The following REV3L variants were observed in gnomAD, a reference collection of about 807,000 sequenced individuals.
REV3L encodes REV3 like, DNA directed polymerase zeta catalytic subunit.
REV3L carries 69 observed loss-of-function variants against 299.4 expected under a neutral mutation model. The observed-to-expected ratio is 0.23, with a 90% CI of 0.19 to 0.28. The LOEUF is 0.28. Ranked by LOEUF, REV3L falls within the 10% of genes least tolerant of loss-of-function variation. REV3L has a pLI of 1.00. For synonymous variants in REV3L, 1,238 were observed against 1,271.4 expected (o/e 0.97, Z 0.56); for missense variants, 3,128 against 3,693.8 (o/e 0.85, Z 3.97).
intron 24 of REV3L, chr6:111,330,363 A>G: frequency 2.3e-6 from 1 of 444,306 alleles, no homozygotes; most frequent in Non-Finnish European, 4.6e-6. Flanking sequence ...ATGCCAAAAA[A>G]AAAATCATTT....
At chr6:111,430,568 T>C in intron 1 of REV3L, 1 of 1,567,052 alleles carries the variant, frequency 6.4e-7, no homozygotes, top group Non-Finnish European at 8.7e-7. Context: ...ACTTCATGGC[T>C]GACTTGCAGA....
chr6:111,340,855 A>G (rs1776407005), intron 21 of REV3L, among the ~76,000 whole-genome samples: 1 of 151,842 alleles, frequency 6.6e-6, no homozygotes, highest in Admixed American at 6.6e-5. Context: ...TCCCTTCTGT[A>G]CAATTTTAGT....
rs144753407 is a variant in REV3L at position 111,303,671 on chromosome 6, C to CTTT, written c.9253-3518_9253-3516dup. 5.0e-4 allele frequency among the ~76,000 whole-genome samples: 28 copies of CTTT among 56,090 alleles called. 1 individual carries two copies. Among genetic ancestry groups the CTTT allele is most frequent in the African/African-American group, 1.8e-3 (25 of 13,598 alleles). 36.8% of individuals were successfully genotyped at this position (56,090 alleles called of 152,430 possible). A position where few individuals can be genotyped will look rare whatever the true frequency, so the allele number is the denominator to read the frequency against. On this transcript the variant is annotated intron_variant, in intron 31 of 31. Coordinates refer to ENST00000368802, the MANE Select transcript of REV3L (RefSeq NM_001372078.1). The stretch of plus-strand genomic sequence containing the variant: ...CGTGAGCCATGATCCCCAGCCGAGG[C>CTTT]TTTTTTTTTTTTTTTTTAACAGACT...
At chr6:111,470,851 G>A (rs750546491) in intron 1 of REV3L, among the ~76,000 whole-genome samples, 11 of 152,034 alleles carry the variant, frequency 7.2e-5, no homozygotes, top group Admixed American at 1.3e-4. Context: ...GTGGTGGCAC[G>A]TGGCTGTAAT....
chr6:111,415,921 GT>G (rs760368087), intron 2 of REV3L, among the ~76,000 whole-genome samples: 2 of 152,158 alleles, frequency 1.3e-5, no homozygotes, highest in African/African-American at 2.4e-5. Flanking sequence ...GTAGTAGAAT[GT>G]AACTTCCACA....
At chr6:111,365,415 G>C (rs17539734) in intron 14 of REV3L, 71 bp from the exon 15 acceptor site, 28 of 829,476 alleles carry the variant, frequency 3.4e-5, no homozygotes, top group Middle Eastern at 2.5e-4. Context: ...AAAACCTTTT[G>C]TTGTTCCAAA....
intron 1 of REV3L, among the ~76,000 whole-genome samples, chr6:111,419,194 C>A (rs1785063392): frequency 6.6e-6 from 1 of 152,204 alleles, no homozygotes; most frequent in Non-Finnish European, 1.5e-5. Context: ...CCTTACTCAT[C>A]ACCCTTCCTC....
In REV3L at chr6:111,372,859, C is replaced by T; in HGVS notation, c.5496G>A (p.Val1832=). The T allele has an allele frequency of 6.2e-7, 1 of 1,614,064 alleles. No individual in the cohort carries two copies. The highest frequency in any genetic ancestry group is 8.5e-7 in the Non-Finnish European group (1 of 1,179,990). Residue 1832 remains valine, a synonymous_variant, in exon 13 of 32, where the codon GTG becomes GTA. Coordinates refer to ENST00000368802, the MANE Select transcript of REV3L (RefSeq NM_001372078.1). The part of the protein sequence containing the change: ...LSSPDGELVD[V]ACEDLELYVS... ...CATACAGTTCTAAATCTTCACAGGC[C>T]ACGTCTACAAGTTCACCATCAGGGG...
At chr6:111,401,212 G>A (rs1783051087) in intron 4 of REV3L, among the ~76,000 whole-genome samples, 1 of 152,036 alleles carries the variant, frequency 6.6e-6, no homozygotes, top group Admixed American at 6.6e-5. Context: ...CTCAACTTTT[G>A]GAAGTCTCCA....
rs1554228612 is a variant in REV3L, at chr6:111,422,643, T to TATAC, written c.140-6172_140-6171insGTAT. On this transcript the variant is annotated intron_variant, in intron 1 of 31. Transcript: ENST00000368802. Reference sequence around the variant, plus strand: ...ATATATATATATACACATATATATATATATACATATATATATATACATATA... The same window carrying TATAC: ...ATATATATATATACACATATATATATATACATATACATATATATATATACATATA... Among the ~76,000 whole-genome samples, 7 of 25,128 alleles carry TATAC rather than the reference T, an allele frequency of 2.8e-4. 2 individuals carry two copies. The highest frequency in any genetic ancestry group is 1.2e-3 in the Non-Finnish European group (7 of 6,050). The allele number at this position is 25,128 out of a possible 152,430, so 16.5% of individuals were successfully genotyped here.
chr6:111,399,953 T>C (rs902272693), intron 4 of REV3L, among the ~76,000 whole-genome samples: 2 of 152,184 alleles, frequency 1.3e-5, no homozygotes, highest in African/African-American at 2.4e-5. Context: ...TAACAACTAA[T>C]AGTCCATTTT....
At chr6:111,310,232 T>C (rs185042847) in intron 29 of REV3L, 133 bp from the exon 30 acceptor site, 1,011 of 1,169,064 alleles carry the variant, frequency 8.6e-4, no homozygotes, top group Non-Finnish European at 1.1e-3. Context: ...ACAGAATTAC[T>C]ATTTCTTTGA....
chr6:111,315,407 G>T (rs1258031998), intron 26 of REV3L, 26 bp from the exon 27 acceptor site: 2 of 1,582,424 alleles, frequency 1.3e-6, no homozygotes, highest in East Asian at 2.2e-5. Context: ...ATAAAGTAAG[G>T]TAATGAGGAA....
intron 1 of REV3L, among the ~76,000 whole-genome samples, chr6:111,474,425 T>C (rs2128340087): frequency 6.6e-6 from 1 of 152,282 alleles, no homozygotes; most frequent in South Asian, 2.1e-4. Context: ...CAAACTCCAG[T>C]AACAATTCCA....
At chr6:111,391,422 T>C (rs1781918074) in intron 5 of REV3L, among the ~76,000 whole-genome samples, 1 of 152,172 alleles carries the variant, frequency 6.6e-6, no homozygotes, top group Admixed American at 6.5e-5. Flanking sequence ...TCATTTTCCA[T>C]TGTCTATTTT....
At chr6:111,334,864 G>A (rs12197149) in intron 22 of REV3L, among the ~76,000 whole-genome samples, 16,348 of 152,166 alleles carry the variant, frequency 0.11, 1,162 homozygotes, top group Middle Eastern at 0.2. Context: ...ATTTTACAAC[G>A]TTAAGGAATC....
chr6:111,459,385 G>A (rs181700400), intron 1 of REV3L, among the ~76,000 whole-genome samples: 1 of 152,170 alleles, frequency 6.6e-6, no homozygotes, highest in East Asian at 1.9e-4. Flanking sequence ...AAGAATTTAT[G>A]GCTAAGTCCT....
intron 1 of REV3L, among the ~76,000 whole-genome samples, chr6:111,440,893 T>C (rs1433074698): frequency 6.6e-6 from 1 of 152,228 alleles, no homozygotes; most frequent in Non-Finnish European, 1.5e-5. Context: ...GGTGTTTTTC[T>C]TTCAACACTT....
At position 111,398,426 on chromosome 6, in the gene REV3L, GAAA is replaced by G. The variant is rs575966279; in HGVS notation, c.566-5457_566-5455del. Reference sequence around the variant, plus strand: ...TTTTACCCATGTGGGGGGAAAAAAAGAAAAAAGAAAAAAAAAATTGTCCCATTT... The same window carrying G: ...TTTTACCCATGTGGGGGGAAAAAAAGAAAGAAAAAAAAAATTGTCCCATTT... On this transcript the variant is annotated intron_variant, in intron 4 of 31. Transcript: ENST00000368802. 7.4e-5 allele frequency among the ~76,000 whole-genome samples: 11 copies of G among 149,014 alleles called. No homozygotes were observed. In the South Asian group the frequency reaches 2.3e-3, roughly 32 times the overall value.
Sources: allele counts gnomAD v4.1 joint callset (sites outside exome capture counted in the v4.1 genomes callset), GRCh38; gene constraint gnomAD v4.1.1; transcripts MANE v1.5; gene names NCBI Gene and HGNC (gene_info 2026-07-23, HGNC 2026-07-21).